THRB: variants seen among roughly 807,000 people sequenced by gnomAD.
The protein encoded by THRB is thyroid hormone receptor beta, also known as nuclear receptor subfamily 1 group A member 2.
Under a neutral mutation model 47.8 loss-of-function variants are expected in THRB, and 12 were observed. That is an observed-to-expected ratio of 0.25 (90% CI 0.16 to 0.41). THRB has a LOEUF of 0.41. THRB is among the 10% of genes least tolerant of loss of function. The pLI, the probability that THRB is intolerant of heterozygous loss-of-function variation, is 1.00. For synonymous variants in THRB, 218 were observed against 212.2 expected (o/e 1.03, Z -0.24); for missense variants, 348 against 589.2 (o/e 0.59, Z 4.24).
chr3:24,141,112 A>G (rs992455828), intron 8 of THRB, among the ~76,000 whole-genome samples: 19 of 152,252 alleles, frequency 1.2e-4, no homozygotes, highest in African/African-American at 4.6e-4. Flanking sequence ...GATCTACAAA[A>G]GATACATTTC....
intron 3 of THRB, among the ~76,000 whole-genome samples, chr3:24,242,587 C>G (rs140855292): frequency 0.019 from 2,841 of 152,228 alleles, 38 homozygotes; most frequent in Non-Finnish European, 0.031. Context: ...GACAGTTAAA[C>G]CTTATTTTTT....
chr3:24,329,520 A>G (rs930207060), intron 2 of THRB, among the ~76,000 whole-genome samples: 1 of 152,206 alleles, frequency 6.6e-6, no homozygotes, highest in Non-Finnish European at 1.5e-5. Flanking sequence ...TGTTGTGCAC[A>G]CATTGCTTTG....
At chr3:24,280,966 G>C (rs1369186405) in intron 3 of THRB, among the ~76,000 whole-genome samples, 1 of 152,200 alleles carries the variant, frequency 6.6e-6, no homozygotes, top group Non-Finnish European at 1.5e-5. Flanking sequence ...TCTGATTGGT[G>C]TACCTGAAAG....
At chr3:24,358,838 A>G (rs61298397) in intron 1 of THRB, among the ~76,000 whole-genome samples, 10,685 of 152,190 alleles carry the variant, frequency 0.07, 1,179 homozygotes, top group African/African-American at 0.24. Context: ...TATTTTACTG[A>G]GGTCAGATTA....
intron 1 of THRB, among the ~76,000 whole-genome samples, chr3:24,436,461 T>C (rs2070965244): frequency 6.6e-6 from 1 of 152,064 alleles, no homozygotes; most frequent in Non-Finnish European, 1.5e-5. Context: ...TCTTAAAATA[T>C]ATAGATAGTA....
chr3:24,255,087 C>T (rs781008349), intron 3 of THRB, among the ~76,000 whole-genome samples: 6 of 152,158 alleles, frequency 3.9e-5, no homozygotes, highest in Non-Finnish European at 8.8e-5. Flanking sequence ...TAGGCTTTAT[C>T]AATTCCATTG....
At chr3:24,381,951 T>C (rs1428345864) in intron 1 of THRB, among the ~76,000 whole-genome samples, 1 of 151,358 alleles carries the variant, frequency 6.6e-6, no homozygotes, top group Non-Finnish European at 1.5e-5. Context: ...ACATAGCAAC[T>C]ATGTAAAGAT....
At chr3:24,153,571 C>T (rs542200290) in intron 5 of THRB, among the ~76,000 whole-genome samples, 124 of 152,256 alleles carry the variant, frequency 8.1e-4, no homozygotes, top group Admixed American at 2.2e-3. Context: ...TTCCTTGACT[C>T]AGGAAGCTAA....
chr3:24,142,910 T>C (rs1247967311), intron 8 of THRB, among the ~76,000 whole-genome samples: 1 of 152,236 alleles, frequency 6.6e-6, no homozygotes, highest in Non-Finnish European at 1.5e-5. Context: ...GTAATTTTTA[T>C]AAGAATATTA....
At chr3:24,328,496 C>T (rs79800714) in intron 2 of THRB, among the ~76,000 whole-genome samples, 3,403 of 152,286 alleles carry the variant, frequency 0.022, 60 homozygotes, top group African/African-American at 0.048. Flanking sequence ...TAGATCTCTT[C>T]CCCTTGTCTT....
intron 1 of THRB, among the ~76,000 whole-genome samples, chr3:24,352,972 T>C (rs1227020507): frequency 4.6e-5 from 7 of 152,284 alleles, no homozygotes; most frequent in African/African-American, 1.7e-4. Flanking sequence ...CTCTAGTTTT[T>C]TCATTCATTG....
At position 24,127,389 on chromosome 3, in the gene THRB, T is replaced by C. The variant is rs2033057680; in HGVS notation, c.1144+110A>G. The C allele has an allele frequency of 1.2e-5, 14 of 1,169,802 alleles. No individual in the cohort carries two copies. The South Asian group carries it at 1.7e-4, about 14-fold the overall frequency. The allele number at this position is 1,169,802 out of a possible 1,614,324, so 72.5% of individuals were successfully genotyped here. ...CCTGCAATTTCTTACTGAAGAAGAGTGAGCTATGTTTCTGAAGCTAAAGGG... is the reference window on the plus strand; with the variant it reads ...CCTGCAATTTCTTACTGAAGAAGAGCGAGCTATGTTTCTGAAGCTAAAGGG... On this transcript the variant is annotated intron_variant, in intron 10 of 10. Transcript: ENST00000646209.
chr3:24,120,397 C>T lies in THRB; in HGVS notation c.*2487G>A, dbSNP rs1475076224. 2 of 152,228 alleles carry T rather than the reference C, an allele frequency of 1.3e-5. No homozygotes were observed. Among genetic ancestry groups the T allele is most frequent in the African/African-American group, 4.8e-5 (2 of 41,458 alleles). 9.4% of individuals were successfully genotyped at this position (152,228 alleles called of 1,614,324 possible). Reference sequence around the variant, plus strand: ...TATGCCATACTATTTGGCCAATTCTCGATCATGGTTAGTCCCCAAAGCATT... The same window carrying T: ...TATGCCATACTATTTGGCCAATTCTTGATCATGGTTAGTCCCCAAAGCATT... On this transcript the variant is annotated 3_prime_UTR_variant, in exon 11 of 11. Coordinates refer to ENST00000646209, the MANE Select transcript of THRB (RefSeq NM_001354712.2).
chr3:24,190,450 A>G, intron 4 of THRB, 116 bp from the exon 5 acceptor site: 1 of 1,294,962 alleles, frequency 7.7e-7, no homozygotes, highest in Non-Finnish European at 1.1e-6. Flanking sequence ...CAGTATTCAC[A>G]TGCCACTTGA....
At chr3:24,414,501 A>T (rs924811306) in intron 1 of THRB, among the ~76,000 whole-genome samples, 5 of 151,912 alleles carry the variant, frequency 3.3e-5, no homozygotes, top group African/African-American at 1.2e-4. Flanking sequence ...CCAAAAAAAA[A>T]GTTAAGTAAA....
chr3:24,446,876 A>G (rs2072140246), intron 1 of THRB, among the ~76,000 whole-genome samples: 1 of 152,212 alleles, frequency 6.6e-6, no homozygotes, highest in Non-Finnish European at 1.5e-5. Flanking sequence ...GGATCTTGAG[A>G]CAGGGAGCTT....
At chr3:24,182,058 G>T (rs1422060079) in intron 5 of THRB, among the ~76,000 whole-genome samples, 1 of 152,058 alleles carries the variant, frequency 6.6e-6, no homozygotes, top group Non-Finnish European at 1.5e-5. Flanking sequence ...AAAGTTAGCC[G>T]GGCGTGGTGG....
At chr3:24,332,044 G>T (rs530419895) in intron 2 of THRB, among the ~76,000 whole-genome samples, 1 of 151,994 alleles carries the variant, frequency 6.6e-6, no homozygotes. Flanking sequence ...CTTTCATTCC[G>T]GGTGGCAAGG....
At chr3:24,256,533 T>C (rs894385791) in intron 3 of THRB, among the ~76,000 whole-genome samples, 2 of 152,100 alleles carry the variant, frequency 1.3e-5, no homozygotes, top group Non-Finnish European at 2.9e-5. Flanking sequence ...ATAATAATAA[T>C]GATAGTAATT....
Sources: gnomAD v4.1 joint callset for allele counts (sites outside exome capture counted in the v4.1 genomes callset) on GRCh38, gnomAD v4.1.1 for gene constraint, MANE v1.5 for transcripts, NCBI Gene and HGNC (gene_info 2026-07-23, HGNC 2026-07-21) for gene names.